PCDHA11: variants seen among roughly 807,000 people sequenced by gnomAD.
The protein encoded by PCDHA11 is protocadherin alpha 11, also known as protocadherin alpha-11.
PCDHA11 carries 61 observed loss-of-function variants against 70.3 expected under a neutral mutation model. That is an observed-to-expected ratio of 0.87 (90% CI 0.71 to 1.07). The LOEUF (loss-of-function observed/expected upper bound fraction) is 1.07. Ranked by LOEUF, PCDHA11 falls within the 50% of genes least tolerant of loss-of-function variation. The pLI is 0.00. For synonymous variants in PCDHA11, 633 were observed against 555.1 expected (o/e 1.14, Z -1.97); for missense variants, 1,324 against 1,237.5 (o/e 1.07, Z -1.05).
At chr5:140,974,165 G>A (rs1298109600) in intron 1 of PCDHA11, among the ~76,000 whole-genome samples, 1 of 152,164 alleles carries the variant, frequency 6.6e-6, no homozygotes, top group Admixed American at 6.5e-5. Flanking sequence ...TTTCTTTCAA[G>A]AATTTTAACT....
intron 2 of PCDHA11, among the ~76,000 whole-genome samples, chr5:140,980,573 T>G (rs1040024915): frequency 6.6e-6 from 1 of 152,066 alleles, no homozygotes; most frequent in Non-Finnish European, 1.5e-5. Context: ...GAAGTTGCAG[T>G]GAGCCAAGAT....
At chr5:140,884,267 T>C in intron 1 of PCDHA11, 3 of 1,613,566 alleles carry the variant, frequency 1.9e-6, no homozygotes, top group South Asian at 1.1e-5. Context: ...AACGGTGCTG[T>C]TGTCGCTGGT....
At chr5:140,895,130 G>A (rs1423440826) in intron 1 of PCDHA11, among the ~76,000 whole-genome samples, 11 of 152,232 alleles carry the variant, frequency 7.2e-5, no homozygotes, top group African/African-American at 2.6e-4. Flanking sequence ...TAGTTGACAA[G>A]TTCATAGGGC....
chr5:140,967,210 C>A, intron 1 of PCDHA11: 1 of 1,613,674 alleles, frequency 6.2e-7, no homozygotes, highest in Non-Finnish European at 8.5e-7. Flanking sequence ...CACCGCGTTT[C>A]CCGCGGCCCA....
chr5:140,949,924 AT>A (rs144693243), intron 1 of PCDHA11, among the ~76,000 whole-genome samples: 8,382 of 151,404 alleles, frequency 0.055, 277 homozygotes, highest in Non-Finnish European at 0.077. Context: ...CTATTTTTAG[AT>A]TTTTTTTAAT....
At chr5:140,877,761 C>T (rs2057326734) in intron 1 of PCDHA11, 4 of 1,614,180 alleles carry the variant, frequency 2.5e-6, no homozygotes, top group Non-Finnish European at 8.5e-7. Flanking sequence ...CTGCAGAGAG[C>T]CCGCCCAAGA....
chr5:140,961,155 G>C (rs1214072320), intron 1 of PCDHA11, among the ~76,000 whole-genome samples: 3 of 152,126 alleles, frequency 2.0e-5, no homozygotes, highest in Non-Finnish European at 4.4e-5. Context: ...TATTATTTCA[G>C]TACATATCTA....
chr5:140,893,338 T>C (rs1409461265), intron 1 of PCDHA11, among the ~76,000 whole-genome samples: 1 of 152,174 alleles, frequency 6.6e-6, no homozygotes, highest in African/African-American at 2.4e-5. Context: ...TTTTCCTTAG[T>C]GGCAGTGCTA....
At chr5:140,888,959 A>G (rs1554183707) in intron 1 of PCDHA11, among the ~76,000 whole-genome samples, 1 of 152,024 alleles carries the variant, frequency 6.6e-6, no homozygotes, top group African/African-American at 2.4e-5. Flanking sequence ...TTCTTTGGCA[A>G]TGTTAATGTG....
At chr5:140,914,033 G>A (rs1192515722) in intron 1 of PCDHA11, among the ~76,000 whole-genome samples, 1 of 152,138 alleles carries the variant, frequency 6.6e-6, no homozygotes, top group Non-Finnish European at 1.5e-5. Context: ...GTGCTGAGAA[G>A]AATGTGTATT....
intron 1 of PCDHA11, among the ~76,000 whole-genome samples, chr5:140,943,273 A>AG (rs1157586895): frequency 6.7e-6 from 1 of 150,362 alleles, no homozygotes; most frequent in Non-Finnish European, 1.5e-5. Flanking sequence ...AAAAAAAAAA[A>AG]AAAAGAAAGA....
intron 1 of PCDHA11, among the ~76,000 whole-genome samples, chr5:140,896,899 C>T (rs191660343): frequency 1.4e-4 from 21 of 152,112 alleles, no homozygotes; most frequent in Admixed American, 1.4e-3. Flanking sequence ...CATTTTGATA[C>T]AAGCATGCAA....
rs782304708 is a variant in PCDHA11, at chr5:140,870,880, G to C, written c.1777G>C (p.Val593Leu). ...GGGTGCGGGCCACGTGGTGGCGAAG[G>C]TGCGCGCAGTGGATGCGGACTCAGG... ...SVGAGHVVAK[V>L]RAVDADSGYN... is the part of the protein sequence containing the mutation. Residue 593 changes from valine (V) to leucine (L), a missense_variant, in exon 1 of 4, where the codon GTG (valine) becomes CTG (leucine). Transcript: ENST00000398640. 1 of 1,613,948 alleles carries C rather than the reference G, an allele frequency of 6.2e-7. No homozygotes were observed. The highest frequency in any genetic ancestry group is 1.1e-5 in the South Asian group (1 of 91,086).
intron 1 of PCDHA11, among the ~76,000 whole-genome samples, chr5:140,918,211 C>T (rs1554198470): frequency 6.6e-6 from 1 of 152,046 alleles, no homozygotes; most frequent in African/African-American, 2.4e-5. Context: ...TGTTGGTGTA[C>T]AGAAATGCTG....
intron 1 of PCDHA11, chr5:140,969,505 A>G (rs973647679): frequency 1.4e-6 from 2 of 1,428,552 alleles, no homozygotes; most frequent in South Asian, 3.0e-5. Context: ...CTAGAAAAAT[A>G]GCACTAAAGA....
intron 1 of PCDHA11, chr5:140,883,793 T>C (rs782783912): frequency 6.2e-7 from 1 of 1,612,328 alleles, no homozygotes; most frequent in South Asian, 1.1e-5. Flanking sequence ...GAGCTACGTG[T>C]CGGTGCACGC....
At chr5:140,958,367 T>C (rs1029042656) in intron 1 of PCDHA11, among the ~76,000 whole-genome samples, 2 of 152,166 alleles carry the variant, frequency 1.3e-5, no homozygotes, top group Admixed American at 6.5e-5. Context: ...TTATCAGGAA[T>C]GTTGCTATTT....
At chr5:140,977,284 G>T (rs1377580391) in intron 1 of PCDHA11, among the ~76,000 whole-genome samples, 1 of 152,210 alleles carries the variant, frequency 6.6e-6, no homozygotes, top group Admixed American at 6.5e-5. Flanking sequence ...TCAAAGGAAG[G>T]TTCTCTCAGC....
At chr5:140,900,807 A>G (rs868976984) in intron 1 of PCDHA11, among the ~76,000 whole-genome samples, 1 of 152,176 alleles carries the variant, frequency 6.6e-6, no homozygotes, top group South Asian at 2.1e-4. Flanking sequence ...TAGTGCTTGT[A>G]CTAATTTACA....
Sources: gnomAD v4.1 joint callset for allele counts (sites outside exome capture counted in the v4.1 genomes callset) on GRCh38, gnomAD v4.1.1 for gene constraint, MANE v1.5 for transcripts, NCBI Gene and HGNC (gene_info 2026-07-23, HGNC 2026-07-21) for gene names.